Variants in TNKS observed in about 807,000 individuals in gnomAD.
The protein encoded by TNKS is poly [ADP-ribose] polymerase tankyrase-1.
A neutral mutation model predicts 135.8 loss-of-function variants in TNKS; 72 were observed. The ratio of observed to expected loss-of-function variants is 0.53; its 90% CI spans 0.44 to 0.64. The LOEUF (loss-of-function observed/expected upper bound fraction) is 0.64. Ranked by LOEUF, TNKS falls within the 30% of genes least tolerant of loss-of-function variation. The pLI, the probability that TNKS is intolerant of heterozygous loss-of-function variation, is 0.00. For missense variants in TNKS, 1,769 were observed against 1,674.0 expected (o/e 1.06, Z -0.99); for synonymous variants, 849 against 649.3 (o/e 1.31, Z -4.68).
intron 3 of TNKS, among the ~76,000 whole-genome samples, chr8:9,626,500 A>G (rs1360915406): frequency 1.3e-5 from 2 of 152,224 alleles, no homozygotes; most frequent in African/African-American, 2.4e-5. Context: ...CTAGTACAGT[A>G]TCTATTGGTT....
In TNKS at chr8:9,590,196, C is replaced by T. The variant is rs576090617; in HGVS notation, c.898+9813C>T. ...CTTCAGGGCCCTCCTTGGTCTGGCT[C>T]CCGTCTACATCATGGACTTCATCCT... On this transcript the variant is annotated intron_variant, in intron 2 of 26. Coordinates refer to ENST00000310430, the MANE Select transcript of TNKS (RefSeq NM_003747.3). Among the ~76,000 whole-genome samples, 21 of 152,242 alleles carry T rather than the reference C, an allele frequency of 1.4e-4. No individual in the cohort carries two copies. In the South Asian group the frequency reaches 4.1e-3, roughly 30 times the overall value.
At chr8:9,580,501 C>T (rs200066718) in intron 2 of TNKS, 118 bp downstream of exon 2, 5 of 864,788 alleles carry the variant, frequency 5.8e-6, no homozygotes, top group East Asian at 5.3e-5. Context: ...CTTGTAGAAG[C>T]AGTTCTTTTC....
chr8:9,618,077 C>A (rs780875966), intron 3 of TNKS, among the ~76,000 whole-genome samples: 2 of 150,898 alleles, frequency 1.3e-5, no homozygotes, highest in Non-Finnish European at 2.9e-5. Context: ...ACCTCCGTCT[C>A]CCGGGTTCAA....
chr8:9,651,250 TTTAA>T (rs1214044772), intron 3 of TNKS, among the ~76,000 whole-genome samples: 1 of 152,148 alleles, frequency 6.6e-6, no homozygotes, highest in Non-Finnish European at 1.5e-5. Flanking sequence ...TTTTTTAATC[TTTAA>T]TTGTGTAATA....
At chr8:9,720,601 A>C in intron 12 of TNKS, 56 bp downstream of exon 12, 1 of 1,529,760 alleles carries the variant, frequency 6.5e-7, no homozygotes, top group South Asian at 1.3e-5. Flanking sequence ...TCCCTGCTGA[A>C]ATACACAGAC....
chr8:9,627,276 C>G (rs372201363), intron 3 of TNKS, among the ~76,000 whole-genome samples: 9 of 152,262 alleles, frequency 5.9e-5, no homozygotes, highest in African/African-American at 1.9e-4. Context: ...TTATAATAAA[C>G]CAGTAAATGT....
chr8:9,773,178 CAGTGAT>C (rs1333878520), intron 26 of TNKS, among the ~76,000 whole-genome samples: 1 of 151,746 alleles, frequency 6.6e-6, no homozygotes, highest in East Asian at 1.9e-4. Context: ...TTGGAATAAT[CAGTGAT>C]AGTCACAAAC....
chr8:9,769,840 T>A (rs1807715026), intron 25 of TNKS, among the ~76,000 whole-genome samples: 1 of 152,028 alleles, frequency 6.6e-6, no homozygotes, highest in Non-Finnish European at 1.5e-5. Context: ...CAGGATGGTC[T>A]TGATCTCCCT....
chr8:9,771,678 GGAGAGAGAGAGAGA>G (rs372358789), intron 26 of TNKS, among the ~76,000 whole-genome samples: 18 of 113,078 alleles, frequency 1.6e-4, no homozygotes, highest in Non-Finnish European at 3.1e-4. Flanking sequence ...AGGAAGGGAG[GGAGAGAGAGAGAGA>G]GAGAGAGGAA....
intron 3 of TNKS, among the ~76,000 whole-genome samples, chr8:9,644,501 T>G (rs901049923): frequency 6.6e-6 from 1 of 152,204 alleles, no homozygotes; most frequent in Non-Finnish European, 1.5e-5. Context: ...AAGAGAAATT[T>G]TAACGTTTCC....
intron 1 of TNKS, among the ~76,000 whole-genome samples, chr8:9,577,254 A>G (rs886560835): frequency 2.0e-5 from 3 of 152,202 alleles, no homozygotes; most frequent in Admixed American, 1.3e-4. Context: ...TAGTACTACT[A>G]CTTTGAGGCA....
At chr8:9,730,007 C>A (rs540160977) in intron 13 of TNKS, among the ~76,000 whole-genome samples, 25 of 152,014 alleles carry the variant, frequency 1.6e-4, no homozygotes, top group Non-Finnish European at 3.2e-4. Flanking sequence ...GATCTCTTGA[C>A]CTCGTGATCT....
At chr8:9,745,938 G>A (rs1247933604) in intron 17 of TNKS, among the ~76,000 whole-genome samples, 1 of 152,122 alleles carries the variant, frequency 6.6e-6, no homozygotes, top group African/African-American at 2.4e-5. Context: ...AAGAGTGCAG[G>A]GAAGACGATA....
chr8:9,777,840 A>G lies in TNKS; in HGVS notation c.*1104A>G, dbSNP rs1215652781. On this transcript the variant is annotated 3_prime_UTR_variant, in exon 27 of 27. Transcript: ENST00000310430. ...TACCACTTGATTGTTTCTTTAGTTGAGAATGCTGGGATTCAGACTCGAATA... is the reference window on the plus strand; with the variant it reads ...TACCACTTGATTGTTTCTTTAGTTGGGAATGCTGGGATTCAGACTCGAATA... The G allele has an allele frequency of 1.3e-5, 2 of 152,432 alleles. No homozygotes were observed. Among genetic ancestry groups the G allele is most frequent in the Non-Finnish European group, 2.9e-5 (2 of 68,044 alleles). 9.4% of individuals were successfully genotyped at this position (152,432 alleles called of 1,614,324 possible). A position where few individuals can be genotyped will look rare whatever the true frequency, so the allele number is the denominator to read the frequency against.
Position 9,572,936 on chromosome 8 carries a change from A to G in TNKS, c.674-7223A>G, listed in dbSNP as rs202143225. ...GCTGAATTTTGTTTCATTGAAAGCA[A>G]TATTTTCATTGTTAAGAATTTTTGT... On this transcript the variant is annotated intron_variant, in intron 1 of 26. Coordinates refer to ENST00000310430, the MANE Select transcript of TNKS (RefSeq NM_003747.3). 5.3e-5 allele frequency among the ~76,000 whole-genome samples: 8 copies of G among 152,250 alleles called. No individual in the cohort carries two copies. The East Asian group carries it at 5.8e-4, about 11-fold the overall frequency.
chr8:9,740,696 G>A (rs909001044), intron 17 of TNKS, among the ~76,000 whole-genome samples: 62 of 152,034 alleles, frequency 4.1e-4, no homozygotes, highest in African/African-American at 1.3e-3. Flanking sequence ...ATTAAAATTC[G>A]TAGAAATTTT....
chr8:9,768,026 GTTTT>G (rs138502342), intron 25 of TNKS, among the ~76,000 whole-genome samples: 1,552 of 151,760 alleles, frequency 0.01, 19 homozygotes, highest in African/African-American at 0.033. Context: ...GTATTTTTGG[GTTTT>G]TTTGTTTGTT....
intron 3 of TNKS, among the ~76,000 whole-genome samples, chr8:9,669,290 C>CGCCTGTAGTCCCAGCTACTCGGGAG (rs1554465560): frequency 1.3e-5 from 2 of 151,266 alleles, no homozygotes; most frequent in Non-Finnish European, 2.9e-5. Context: ...CGGTGGCGGG[C>CGCCTGTAGTCCCAGCTACTCGGGAG]GCCTGTAGTC....
chr8:9,719,757 T>C (rs1264446123), intron 11 of TNKS, among the ~76,000 whole-genome samples: 2 of 152,318 alleles, frequency 1.3e-5, no homozygotes, highest in African/African-American at 2.4e-5. Context: ...TGCCAGTGTT[T>C]CACATTGTCT....
Sources: allele counts gnomAD v4.1 joint callset (sites outside exome capture counted in the v4.1 genomes callset), GRCh38; gene constraint gnomAD v4.1.1; transcripts MANE v1.5; gene names NCBI Gene and HGNC (gene_info 2026-07-23, HGNC 2026-07-21).